The following GARIN1B variants were observed in gnomAD, a reference collection of about 807,000 sequenced individuals.
GARIN1B encodes Golgi-associated RAB2 interactor protein 1B.
chr7:128,717,312 G>A, the GARIN1B span, among the ~76,000 whole-genome samples: 1 of 152,172 alleles, frequency 6.6e-6, no homozygotes, highest in African/African-American at 2.4e-5. Flanking sequence ...AGTGAGTCTG[G>A]CAGATGGAGC....
chr7:128,720,523 A>G, the GARIN1B span, among the ~76,000 whole-genome samples: 3 of 152,198 alleles, frequency 2.0e-5, no homozygotes, highest in Admixed American at 6.6e-5. Context: ...ATGCATACCT[A>G]AGAACTCTTT....
chr7:128,722,787 G>C, the GARIN1B span, among the ~76,000 whole-genome samples: 1 of 151,850 alleles, frequency 6.6e-6, no homozygotes, highest in Non-Finnish European at 1.5e-5. Context: ...CTGGCTATAA[G>C]AGCGAGACTC....
At chr7:128,716,823 G>T in the GARIN1B span, 20 of 1,608,800 alleles carry the variant, frequency 1.2e-5, no homozygotes, top group South Asian at 1.6e-4. Context: ...GTCAAAAGGG[G>T]CAGGAATTGG....
chr7:128,714,439 G>A, the GARIN1B span, among the ~76,000 whole-genome samples: 8 of 151,988 alleles, frequency 5.3e-5, no homozygotes, highest in Admixed American at 6.6e-5. Flanking sequence ...TTAGCCAGGC[G>A]TGATGGCACA....
chr7:128,726,551 A>T, the GARIN1B span, among the ~76,000 whole-genome samples: 13 of 152,202 alleles, frequency 8.5e-5, no homozygotes, highest in Non-Finnish European at 1.2e-4. Flanking sequence ...TGCAGAACTG[A>T]ACAGATGGAG....
At chr7:128,720,203 C>CT in the GARIN1B span, among the ~76,000 whole-genome samples, 54,866 of 139,210 alleles carry the variant, frequency 0.39, 10,766 homozygotes, top group African/African-American at 0.43. Flanking sequence ...TTTCCTTCTT[C>CT]TTTTTTTTTT....
At chr7:128,714,897 A>G in the GARIN1B span, among the ~76,000 whole-genome samples, 1 of 152,162 alleles carries the variant, frequency 6.6e-6, no homozygotes, top group African/African-American at 2.4e-5. Flanking sequence ...GTCCTGCAGA[A>G]GTAACCAGCC....
the GARIN1B span, among the ~76,000 whole-genome samples, chr7:128,710,181 C>G: frequency 1.3e-5 from 2 of 152,158 alleles, no homozygotes; most frequent in Non-Finnish European, 2.9e-5. Context: ...TCCCAAAGTG[C>G]TGGGATTACA....
the GARIN1B span, chr7:128,723,446 C>CT: frequency 8.5e-6 from 10 of 1,179,532 alleles, no homozygotes; most frequent in Non-Finnish European, 1.2e-5. Context: ...GGCACGGTGG[C>CT]TCACGCCTGT....
the GARIN1B span, chr7:128,724,980 A>G: frequency 1.1e-6 from 1 of 870,136 alleles, no homozygotes; most frequent in Non-Finnish European, 1.5e-6. Flanking sequence ...AATGGAAATG[A>G]AAATAGTGCC....
chr7:128,729,925 A>G, the GARIN1B span: 4 of 1,613,984 alleles, frequency 2.5e-6, no homozygotes, highest in African/African-American at 5.3e-5. Flanking sequence ...CCGTGAAGAC[A>G]GCATCCCTTG....
At chr7:128,722,460 C>A in the GARIN1B span, among the ~76,000 whole-genome samples, 1 of 152,034 alleles carries the variant, frequency 6.6e-6, no homozygotes, top group Non-Finnish European at 1.5e-5. Context: ...AATTTTGCCC[C>A]GATGTAAAAA....
the GARIN1B span, chr7:128,729,908 A>T: frequency 6.2e-7 from 1 of 1,613,354 alleles, no homozygotes; most frequent in Admixed American, 1.7e-5. Flanking sequence ...CTAGGGAAAG[A>T]TTCTTCCCGT....
chr7:128,723,997 C>A, the GARIN1B span, among the ~76,000 whole-genome samples: 1 of 152,114 alleles, frequency 6.6e-6, no homozygotes, highest in Non-Finnish European at 1.5e-5. Context: ...ACCTAAATTT[C>A]TTTTTGTTGT....
the GARIN1B span, chr7:128,730,949 CCACT>C: frequency 8.3e-6 from 6 of 725,588 alleles, no homozygotes; most frequent in Admixed American, 1.0e-4. Flanking sequence ...CAGGTGTGAG[CCACT>C]GGGCCCGGCC....
the GARIN1B span, among the ~76,000 whole-genome samples, chr7:128,721,512 C>A: frequency 2.7e-5 from 4 of 149,874 alleles, no homozygotes; most frequent in Admixed American, 2.7e-4. Context: ...CATACACACA[C>A]CACACACACA....
chr7:128,711,236 T>TA, the GARIN1B span, among the ~76,000 whole-genome samples: 22 of 148,782 alleles, frequency 1.5e-4, no homozygotes, highest in East Asian at 7.8e-4. Flanking sequence ...CTATTTTAAT[T>TA]AAAAAAAAAA....
chr7:128,718,901 G>A, the GARIN1B span: 2 of 1,614,238 alleles, frequency 1.2e-6, no homozygotes, highest in Non-Finnish European at 1.7e-6. Context: ...GTTGAGGACA[G>A]TCACTGAGAA....
the GARIN1B span, chr7:128,715,407 A>T: frequency 6.2e-7 from 1 of 1,604,548 alleles, no homozygotes; most frequent in Non-Finnish European, 8.5e-7. Context: ...AGATCCCAGG[A>T]CAAATGTGCA....
Sources: allele counts gnomAD v4.1 joint callset (sites outside exome capture counted in the v4.1 genomes callset), GRCh38; gene constraint gnomAD v4.1.1; transcripts MANE v1.5; gene names NCBI Gene and HGNC (gene_info 2026-07-23, HGNC 2026-07-21).